The following PIK3C2G variants were observed in gnomAD, a reference collection of about 807,000 sequenced individuals.
PIK3C2G encodes phosphatidylinositol 3-kinase C2 domain-containing subunit gamma.
Under a neutral mutation model 181.1 loss-of-function variants are expected in PIK3C2G, and 168 were observed. That is an observed-to-expected ratio of 0.93 (90% CI 0.82 to 1.05). PIK3C2G has a LOEUF of 1.05. PIK3C2G is among the 50% of genes least tolerant of loss of function. PIK3C2G has a pLI of 0.00. For synonymous variants in PIK3C2G, 573 were observed against 592.2 expected (o/e 0.97, Z 0.47); for missense variants, 1,869 against 1,732.8 (o/e 1.08, Z -1.40).
In PIK3C2G at chr12:18,286,887, G is replaced by T; in HGVS notation, c.719G>T (p.Ser240Ile). 1 of 1,575,918 alleles carries T rather than the reference G, an allele frequency of 6.3e-7. No individual in the cohort carries two copies. Among genetic ancestry groups the T allele is most frequent in the South Asian group, 1.2e-5 (1 of 84,536 alleles). ...ATTCAGCTAGTGGAAGTACCTCAAA[G>T]CAGCAATACGAGTCTGGCCTCTTTT... The part of the protein sequence containing the change: ...CSIQLVEVPQ[S>I]SNTSLASFCN... Residue 240 changes from serine to isoleucine, a missense_variant, in exon 3 of 33, where the codon AGC becomes ATC. Transcript: ENST00000538779.
intron 24 of PIK3C2G, among the ~76,000 whole-genome samples, chr12:18,516,364 G>A (rs770630233): frequency 6.6e-6 from 1 of 151,060 alleles, no homozygotes. Flanking sequence ...ATTGAGTCTC[G>A]GCTAAAAATA....
rs112993949 is a variant in PIK3C2G, at chr12:18,407,148, C to A, written c.2315+7301C>A. On this transcript the variant is annotated intron_variant, in intron 16 of 32. Transcript: ENST00000538779. ...GCTACCAAACATTCTTATCATGAAT[C>A]CTTCATTATAATTACATTTTAAAGA... Among the ~76,000 whole-genome samples, 186 of 152,058 alleles carry A rather than the reference C, an allele frequency of 1.2e-3. 1 individual carries two copies. The highest frequency in any genetic ancestry group is 4.6e-3 in the South Asian group (22 of 4,806).
At chr12:18,362,934 A>C (rs1565638084) in intron 12 of PIK3C2G, 48 bp downstream of exon 12, 4 of 1,374,264 alleles carry the variant, frequency 2.9e-6, no homozygotes, top group Non-Finnish European at 3.8e-6. Flanking sequence ...AATAAATGTC[A>C]GCTTTTTCCC....
At chr12:18,459,229 C>T (rs1947794839) in intron 18 of PIK3C2G, among the ~76,000 whole-genome samples, 1 of 152,054 alleles carries the variant, frequency 6.6e-6, no homozygotes, top group Admixed American at 6.6e-5. Context: ...CTCAGGCAAC[C>T]CCCAAATATT....
upstream of PIK3C2G, among the ~76,000 whole-genome samples, chr12:18,257,720 TGGAA>T (rs57452847): frequency 4.4e-5 from 6 of 135,004 alleles, no homozygotes; most frequent in African/African-American, 1.1e-4. Flanking sequence ...GACAGGAAGG[TGGAA>T]GGAAGGAGGG....
At chr12:18,436,833 T>G (rs1946475425) in intron 18 of PIK3C2G, among the ~76,000 whole-genome samples, 1 of 152,038 alleles carries the variant, frequency 6.6e-6, no homozygotes, top group African/African-American at 2.4e-5. Context: ...GTATCAAGTG[T>G]TACATTGATC....
chr12:18,603,980 CA>C (rs991054941), intron 30 of PIK3C2G, among the ~76,000 whole-genome samples: 2 of 151,238 alleles, frequency 1.3e-5, no homozygotes, highest in East Asian at 1.9e-4. Flanking sequence ...CTAAAACAAA[CA>C]AAAAAAACAA....
intron 24 of PIK3C2G, among the ~76,000 whole-genome samples, chr12:18,524,865 C>A (rs1943135294): frequency 6.6e-6 from 1 of 150,968 alleles, no homozygotes; most frequent in Non-Finnish European, 1.5e-5. Flanking sequence ...ACCCACCCGG[C>A]CTGTGCCTCA....
chr12:18,317,040 G>C (rs1345896937), intron 6 of PIK3C2G, among the ~76,000 whole-genome samples: 1 of 141,862 alleles, frequency 7.0e-6, no homozygotes, highest in Non-Finnish European at 1.5e-5. Flanking sequence ...TTGAGACGGA[G>C]TCTCGCTCTG....
At chr12:18,407,776 A>AAAGAT (rs1463289513) in intron 16 of PIK3C2G, among the ~76,000 whole-genome samples, 7 of 152,154 alleles carry the variant, frequency 4.6e-5, no homozygotes, top group African/African-American at 1.7e-4. Context: ...GACAAAAGGG[A>AAAGAT]AAGATTAAGA....
chr12:18,268,153 C>A lies in PIK3C2G; in HGVS notation c.-79+6576C>A, dbSNP rs371608501. The stretch of plus-strand genomic sequence containing the variant: ...GATACAAAGCAAGGGCCAGCCAGTA[C>A]GTGTGGATTTTTTCCTTCCATTTCT... On this transcript the variant is annotated intron_variant, in intron 1 of 32. Coordinates refer to ENST00000538779, the MANE Select transcript of PIK3C2G (RefSeq NM_001288772.2). Among the ~76,000 whole-genome samples, 24 of 152,234 alleles carry A rather than the reference C, an allele frequency of 1.6e-4. No homozygotes were observed. The East Asian group carries it at 2.3e-3, about 15-fold the overall frequency.
intron 13 of PIK3C2G, among the ~76,000 whole-genome samples, chr12:18,371,529 C>T (rs1395423426): frequency 1.3e-5 from 2 of 152,114 alleles, no homozygotes; most frequent in East Asian, 3.9e-4. Flanking sequence ...TCAGCTGGAT[C>T]ATTTATAATG....
chr12:18,444,748 T>C (rs779869145), intron 18 of PIK3C2G, among the ~76,000 whole-genome samples: 1 of 152,176 alleles, frequency 6.6e-6, no homozygotes, highest in African/African-American at 2.4e-5. Flanking sequence ...TTAATTATTC[T>C]TTGTATTAAA....
intron 18 of PIK3C2G, among the ~76,000 whole-genome samples, chr12:18,464,667 A>G (rs1937658992): frequency 6.6e-6 from 1 of 152,074 alleles, no homozygotes; most frequent in Non-Finnish European, 1.5e-5. Context: ...TATATTATTT[A>G]GTTTTATGTG....
intron 13 of PIK3C2G, among the ~76,000 whole-genome samples, chr12:18,380,211 T>C (rs1304620517): frequency 2.0e-5 from 3 of 152,154 alleles, no homozygotes; most frequent in African/African-American, 7.2e-5. Context: ...CTCAGGTCCT[T>C]CTTTCTCTGC....
At chr12:18,467,721 T>A (rs1565755111) in intron 18 of PIK3C2G, among the ~76,000 whole-genome samples, 2 of 151,918 alleles carry the variant, frequency 1.3e-5, no homozygotes, top group Admixed American at 1.3e-4. Context: ...TAAAACTGCA[T>A]CTGGCCCACC....
At chr12:18,500,012 C>T (rs1181638197) in intron 22 of PIK3C2G, among the ~76,000 whole-genome samples, 3 of 152,266 alleles carry the variant, frequency 2.0e-5, no homozygotes, top group African/African-American at 7.2e-5. Context: ...CGCTCGCTCT[C>T]GGCGCCTCCT....
chr12:18,343,928 G>A (rs1017403254), intron 10 of PIK3C2G, among the ~76,000 whole-genome samples: 9 of 149,518 alleles, frequency 6.0e-5, no homozygotes, highest in Non-Finnish European at 1.0e-4. Context: ...TGCATGGGAC[G>A]GAGCAGTCTG....
At chr12:18,602,430 G>A (rs1592692190) in intron 30 of PIK3C2G, among the ~76,000 whole-genome samples, 1 of 145,104 alleles carries the variant, frequency 6.9e-6, no homozygotes, top group East Asian at 2.0e-4. Context: ...CCCACCTGAT[G>A]GTCCCTCCCT....
Sources: gnomAD v4.1 joint callset for allele counts (sites outside exome capture counted in the v4.1 genomes callset) on GRCh38, gnomAD v4.1.1 for gene constraint, MANE v1.5 for transcripts, NCBI Gene and HGNC (gene_info 2026-07-23, HGNC 2026-07-21) for gene names.